Variants in NEBL observed in about 807,000 individuals in gnomAD.
NEBL encodes the protein nebulette.
NEBL carries 122 observed loss-of-function variants against 140.2 expected under a neutral mutation model. The ratio of observed to expected loss-of-function variants is 0.87; its 90% CI spans 0.75 to 1.01. NEBL has a LOEUF of 1.01. NEBL is among the 50% of genes least tolerant of loss of function. The probability of loss-of-function intolerance (pLI) is 0.00; values close to 1 mark genes in which losing one functional copy is unlikely to be tolerated. For synonymous variants in NEBL, 436 were observed against 398.9 expected, an observed-to-expected ratio of 1.09 and a Z score of -1.11; for missense variants, 1,365 against 1,231.3, an observed-to-expected ratio of 1.11 and a Z score of -1.62.
chr10:20,879,678 T>C (rs879260056), intron 5 of NEBL, among the ~76,000 whole-genome samples: 1 of 152,208 alleles, frequency 6.6e-6, no homozygotes, highest in South Asian at 2.1e-4. Flanking sequence ...GGATGTGAGA[T>C]GGCAACTGTA....
At chr10:21,090,095 G>A (rs1836841176) in intron 2 of NEBL, among the ~76,000 whole-genome samples, 1 of 152,180 alleles carries the variant, frequency 6.6e-6, no homozygotes, top group South Asian at 2.1e-4. Context: ...TCTTCCAGGT[G>A]CACTGTGAGC....
intron 4 of NEBL, among the ~76,000 whole-genome samples, chr10:20,885,375 C>A (rs945937602): frequency 2.0e-5 from 3 of 152,176 alleles, no homozygotes; most frequent in Non-Finnish European, 4.4e-5. Flanking sequence ...TATTCAAAGT[C>A]TAGGTTTTTC....
chr10:21,229,201 A>T (rs1281663915), intron 3 of NEBL, among the ~76,000 whole-genome samples: 1 of 152,232 alleles, frequency 6.6e-6, no homozygotes, highest in Non-Finnish European at 1.5e-5. Context: ...CGGGCAGATC[A>T]CTTGAGCCCA....
chr10:20,934,970 C>T (rs757979718), intron 4 of NEBL, among the ~76,000 whole-genome samples: 2 of 152,152 alleles, frequency 1.3e-5, no homozygotes, highest in African/African-American at 4.8e-5. Flanking sequence ...AATAAACTGG[C>T]ATGCTGTGCA....
chr10:20,902,059 G>T (rs1847893058), upstream of NEBL, among the ~76,000 whole-genome samples: 1 of 151,976 alleles, frequency 6.6e-6, no homozygotes, highest in African/African-American at 2.4e-5. Flanking sequence ...GAAATCGAAA[G>T]AACACAAAGC....
chr10:21,177,438 T>A (rs1841319367), upstream of NEBL, among the ~76,000 whole-genome samples: 2 of 152,216 alleles, frequency 1.3e-5, no homozygotes, highest in Non-Finnish European at 2.9e-5. Flanking sequence ...CACTAGTATG[T>A]CAATGATGAG....
chr10:20,906,401 T>G (rs1848095320), intron 4 of NEBL, among the ~76,000 whole-genome samples: 1 of 152,148 alleles, frequency 6.6e-6, no homozygotes, highest in South Asian at 2.1e-4. Context: ...TTGGCACTTT[T>G]AAAACACTAA....
intron 2 of NEBL, among the ~76,000 whole-genome samples, chr10:21,074,721 G>T (rs1004062164): frequency 6.6e-6 from 1 of 151,924 alleles, no homozygotes; most frequent in Non-Finnish European, 1.5e-5. Flanking sequence ...CTCATGATCC[G>T]CCTGCCTCGG....
intron 4 of NEBL, among the ~76,000 whole-genome samples, chr10:20,935,135 G>C (rs574762685): frequency 6.6e-6 from 1 of 152,292 alleles, no homozygotes; most frequent in Non-Finnish European, 1.5e-5. Flanking sequence ...GCTAGAAAGA[G>C]AGGAAATTCA....
intron 2 of NEBL, among the ~76,000 whole-genome samples, chr10:21,067,034 G>A (rs112356472): frequency 9.1e-5 from 13 of 142,108 alleles, no homozygotes; most frequent in African/African-American, 1.6e-4. Flanking sequence ...GTGCAGTGGC[G>A]CGATCTCCAC....
intron 2 of NEBL, among the ~76,000 whole-genome samples, chr10:21,043,324 ACGAATTTAGAAG>A: frequency 6.6e-6 from 1 of 152,206 alleles, no homozygotes; most frequent in East Asian, 1.9e-4. Context: ...GTCAACATTG[ACGAATTTAGAAG>A]CAGCCCTGTC....
rs574811443 is a variant in NEBL at position 20,904,354 on chromosome 10, T to C, written c.357+57318A>G. On this transcript the variant is annotated intron_variant, in intron 4 of 6. Transcript: ENST00000417816. ...CCTTTGAACCAACTGTAAGGTCTTATGGGTACCCTCATTTATTAATGAGTT... is the reference window on the plus strand; with the variant it reads ...CCTTTGAACCAACTGTAAGGTCTTACGGGTACCCTCATTTATTAATGAGTT... 9.5e-4 allele frequency among the ~76,000 whole-genome samples: 144 copies of C among 152,320 alleles called. 1 individual carries two copies. The highest frequency in any genetic ancestry group is 3.4e-3 in the African/African-American group (141 of 41,574).
At chr10:21,099,915 A>C (rs1037684806) in intron 2 of NEBL, among the ~76,000 whole-genome samples, 2 of 152,196 alleles carry the variant, frequency 1.3e-5, no homozygotes, top group Non-Finnish European at 2.9e-5. Context: ...CTTATAACTC[A>C]ATAAGAAACT....
chr10:21,106,062 A>C (rs571834653), intron 2 of NEBL, among the ~76,000 whole-genome samples: 12 of 151,984 alleles, frequency 7.9e-5, no homozygotes, highest in African/African-American at 2.7e-4. Context: ...AATTTGTTTA[A>C]GTTCTTTGTA....
chr10:21,286,558 C>A (rs183989963), intron 1 of NEBL, among the ~76,000 whole-genome samples: 2 of 152,206 alleles, frequency 1.3e-5, no homozygotes, highest in African/African-American at 4.8e-5. Context: ...TATAGCAGGG[C>A]GCCATGGCTC....
chr10:20,826,354 A>C (rs1224435826), intron 18 of NEBL, 93 bp downstream of exon 18: 1 of 982,142 alleles, frequency 1.0e-6, no homozygotes, highest in African/African-American at 1.6e-5. Context: ...GAATAAAAGG[A>C]AAAAAGCCAT....
At chr10:21,004,948 A>C (rs959349046) in intron 3 of NEBL, among the ~76,000 whole-genome samples, 1 of 152,202 alleles carries the variant, frequency 6.6e-6, no homozygotes, top group Non-Finnish European at 1.5e-5. Flanking sequence ...CAAGGTCTTT[A>C]GGCATTTCTA....
intron 2 of NEBL, chr10:21,125,997 G>C (rs763980670): frequency 2.3e-5 from 37 of 1,614,086 alleles, no homozygotes; most frequent in Non-Finnish European, 2.7e-5. Context: ...GCGGCTTGTA[G>C]AGACTGAAGC....
intron 4 of NEBL, among the ~76,000 whole-genome samples, chr10:20,887,603 G>A (rs920385713): frequency 1.3e-5 from 2 of 151,922 alleles, no homozygotes; most frequent in African/African-American, 2.4e-5. Flanking sequence ...TTTTGGTAGA[G>A]ACCAGCTTTT....
Sources: gnomAD v4.1 joint callset for allele counts (sites outside exome capture counted in the v4.1 genomes callset) on GRCh38, gnomAD v4.1.1 for gene constraint, MANE v1.5 for transcripts, NCBI Gene and HGNC (gene_info 2026-07-23, HGNC 2026-07-21) for gene names.